PDE4D: variants seen among roughly 807,000 people sequenced by gnomAD.
PDE4D encodes the protein phosphodiesterase 4D, also known as 3',5'-cyclic-AMP phosphodiesterase 4D.
PDE4D carries 24 observed loss-of-function variants against 87.4 expected under a neutral mutation model. The observed-to-expected ratio is 0.27, with a 90% CI of 0.20 to 0.39. The LOEUF (loss-of-function observed/expected upper bound fraction) is 0.39, where lower values mean the gene tolerates loss of function less well. PDE4D is among the 10% of genes least tolerant of loss of function. The pLI is 1.00. For synonymous variants in PDE4D, 384 were observed against 383.2 expected, an observed-to-expected ratio of 1.00 and a Z score of -0.02; for missense variants, 714 against 1,041.0, an observed-to-expected ratio of 0.69 and a Z score of 4.32.
intron 1 of PDE4D, among the ~76,000 whole-genome samples, chr5:59,467,866 G>A (rs1035240785): frequency 2.0e-5 from 3 of 152,066 alleles, no homozygotes; most frequent in African/African-American, 2.4e-5. Flanking sequence ...ATTTTTCTGG[G>A]TGAAGTTTAT....
chr5:59,177,048 T>G (rs1188258615), intron 5 of PDE4D, among the ~76,000 whole-genome samples: 1 of 152,178 alleles, frequency 6.6e-6, no homozygotes, highest in African/African-American at 2.4e-5. Flanking sequence ...TTCTTTCCAT[T>G]ACCCCCTTGT....
intron 1 of PDE4D, among the ~76,000 whole-genome samples, chr5:59,520,322 G>C (rs905717612): frequency 1.3e-5 from 2 of 152,152 alleles, no homozygotes; most frequent in African/African-American, 2.4e-5. Context: ...TGTTCTCCCT[G>C]CCCCAAATTT....
chr5:58,983,922 CT>C (rs1235437180), intron 11 of PDE4D, among the ~76,000 whole-genome samples: 1 of 152,142 alleles, frequency 6.6e-6, no homozygotes, highest in African/African-American at 2.4e-5. Flanking sequence ...GGTATTGTGC[CT>C]TTTTGTGTCT....
At chr5:60,081,386 T>C (rs1773929795) in intron 2 of PDE4D, among the ~76,000 whole-genome samples, 1 of 151,870 alleles carries the variant, frequency 6.6e-6, no homozygotes, top group Non-Finnish European at 1.5e-5. Context: ...TGTCTCTATC[T>C]CCTTCAATTC....
chr5:59,613,258 A>G (rs1027460975), intron 1 of PDE4D, among the ~76,000 whole-genome samples: 1 of 152,172 alleles, frequency 6.6e-6, no homozygotes, highest in East Asian at 1.9e-4. Flanking sequence ...AGACAACAAC[A>G]AAGTTTGGTC....
At chr5:60,142,264 A>T (rs760655872) in intron 2 of PDE4D, among the ~76,000 whole-genome samples, 3 of 152,038 alleles carry the variant, frequency 2.0e-5, no homozygotes, top group Admixed American at 6.6e-5. Context: ...AAGGAAGGAA[A>T]GGAGAGAGAA....
chr5:59,657,032 C>T (rs562707826), intron 1 of PDE4D, among the ~76,000 whole-genome samples: 1 of 152,224 alleles, frequency 6.6e-6, no homozygotes, highest in African/African-American at 2.4e-5. Context: ...AAATATGAGG[C>T]ACGTGGCAAG....
intron 2 of PDE4D, among the ~76,000 whole-genome samples, chr5:59,208,014 A>G (rs1176966205): frequency 2.0e-5 from 3 of 150,686 alleles, no homozygotes; most frequent in Non-Finnish European, 4.4e-5. Flanking sequence ...AAAAAAAAAC[A>G]CAATCAGCCA....
intron 1 of PDE4D, among the ~76,000 whole-genome samples, chr5:59,838,227 G>T (rs1429437897): frequency 2.6e-5 from 4 of 151,936 alleles, no homozygotes; most frequent in Admixed American, 6.6e-5. Flanking sequence ...TTCACCCAAG[G>T]CATCCCCACC....
intron 5 of PDE4D, among the ~76,000 whole-genome samples, chr5:59,156,160 T>C (rs1780141733): frequency 6.6e-6 from 1 of 151,800 alleles, no homozygotes; most frequent in African/African-American, 2.4e-5. Context: ...AGGCAGACTG[T>C]AAAACTGACA....
At chr5:60,166,253 CCTGT>C (rs981686731) in intron 2 of PDE4D, among the ~76,000 whole-genome samples, 1 of 152,142 alleles carries the variant, frequency 6.6e-6, no homozygotes, top group Non-Finnish European at 1.5e-5. Flanking sequence ...CGCCACCACG[CCTGT>C]CTAATTTTTT....
intron 1 of PDE4D, among the ~76,000 whole-genome samples, chr5:60,249,138 G>T (rs1699874305): frequency 6.6e-6 from 1 of 151,982 alleles, no homozygotes; most frequent in African/African-American, 2.4e-5. Flanking sequence ...TTCCTCTGAA[G>T]TTTCTAGATA....
intron 1 of PDE4D, among the ~76,000 whole-genome samples, chr5:59,574,061 AAT>A (rs1159810665): frequency 2.5e-4 from 8 of 31,896 alleles, no homozygotes; most frequent in South Asian, 3.3e-3. Flanking sequence ...TATATATAAA[AAT>A]ATATATATTT....
intron 1 of PDE4D, among the ~76,000 whole-genome samples, chr5:59,865,142 C>T (rs1289773939): frequency 1.3e-5 from 2 of 152,260 alleles, no homozygotes; most frequent in South Asian, 2.1e-4. Context: ...AAGATTTTTA[C>T]AGAAATAAAG....
intron 1 of PDE4D, among the ~76,000 whole-genome samples, chr5:59,258,893 C>T (rs1452847998): frequency 6.6e-6 from 1 of 151,294 alleles, no homozygotes; most frequent in Non-Finnish European, 1.5e-5. Flanking sequence ...ATTCATGTGA[C>T]TTTAACAGAA....
chr5:59,499,152 C>T (rs1048524880), intron 1 of PDE4D, among the ~76,000 whole-genome samples: 13 of 151,994 alleles, frequency 8.6e-5, no homozygotes, highest in Non-Finnish European at 7.4e-5. Flanking sequence ...AACTAATCAA[C>T]TTGTTTCTGA....
intron 1 of PDE4D, among the ~76,000 whole-genome samples, chr5:59,556,333 T>G: frequency 6.6e-6 from 1 of 152,188 alleles, no homozygotes; most frequent in South Asian, 2.1e-4. Context: ...TAGCACACAC[T>G]AGATGTCTGC....
chr5:59,208,564 T>C (rs1266141508), intron 2 of PDE4D, among the ~76,000 whole-genome samples: 2 of 152,244 alleles, frequency 1.3e-5, no homozygotes, highest in Admixed American at 6.5e-5. Flanking sequence ...TTTATTTTTA[T>C]ACTGTGGCAT....
chr5:60,483,036 G>A (rs1268038457), intron 1 of PDE4D, among the ~76,000 whole-genome samples: 2 of 152,182 alleles, frequency 1.3e-5, no homozygotes, highest in African/African-American at 4.8e-5. Flanking sequence ...CAGTTCTACT[G>A]TATATGAAAC....
Sources: gnomAD v4.1 joint callset for allele counts (sites outside exome capture counted in the v4.1 genomes callset) on GRCh38, gnomAD v4.1.1 for gene constraint, MANE v1.5 for transcripts, NCBI Gene and HGNC (gene_info 2026-07-23, HGNC 2026-07-21) for gene names.